MMP14: variants seen among roughly 807,000 people sequenced by gnomAD.
MMP14 encodes matrix metallopeptidase 14.
Under a neutral mutation model 64.8 loss-of-function variants are expected in MMP14, and 13 were observed. The ratio of observed to expected loss-of-function variants is 0.20; its 90% CI spans 0.13 to 0.32. MMP14 has a LOEUF of 0.32. MMP14 is among the 10% of genes least tolerant of loss of function. MMP14 has a pLI of 1.00. For missense variants in MMP14, 594 were observed against 783.8 expected, an observed-to-expected ratio of 0.76 and a Z score of 2.89; for synonymous variants, 322 against 315.9, an observed-to-expected ratio of 1.02 and a Z score of -0.20.
In MMP14 at chr14:22,843,468, C is replaced by G. The variant is rs375592743; in HGVS notation, c.850+50C>G. 1.7e-4 allele frequency: 267 copies of G among 1,583,316 alleles called. No individual in the cohort carries two copies. Among genetic ancestry groups the G allele is most frequent in the Non-Finnish European group, 2.2e-4 (260 of 1,162,248 alleles). ...CTCCCTCCTCTGCTGCTTGTTCCCT[C>G]CTGGTCTACGCATTTCCCCTCTTTT... On this transcript the variant is annotated intron_variant, in intron 5 of 9. Coordinates refer to ENST00000311852, the MANE Select transcript of MMP14 (RefSeq NM_004995.4). The surrounding 1 kb of genome is among the most constrained non-coding windows in gnomAD (Gnocchi z 4.8).
chr14:22,842,381 C>G lies in MMP14; in HGVS notation c.381-29C>G. On this transcript the variant is annotated intron_variant, in intron 3 of 9. Transcript: ENST00000311852. This position sits in a 1 kb window ranked among gnomAD's most constrained non-coding sequence, Gnocchi z 5.3. ...TGCCCCTCTTTATCCTAACACACCCCATCCTCTCCCCACGTGGCTGGACCT... is the reference window on the plus strand; with the variant it reads ...TGCCCCTCTTTATCCTAACACACCCGATCCTCTCCCCACGTGGCTGGACCT... 1 of 1,590,790 alleles carries G rather than the reference C, an allele frequency of 6.3e-7. No homozygotes were observed. Among genetic ancestry groups the G allele is most frequent in the Non-Finnish European group, 8.6e-7 (1 of 1,167,352 alleles).
intron 1 of MMP14, among the ~76,000 whole-genome samples, chr14:22,839,812 C>T (rs534922406): frequency 6.6e-6 from 1 of 152,206 alleles, no homozygotes; most frequent in African/African-American, 2.4e-5. Flanking sequence ...ATCTCCCCTC[C>T]AAGATCCCAT....
chr14:22,841,743 A>G, intron 2 of MMP14, 104 bp downstream of exon 2: 2 of 1,555,888 alleles, frequency 1.3e-6, no homozygotes, highest in Non-Finnish European at 1.8e-6. Context: ...CCACTCCCCC[A>G]TATCTCATCC....
intron 1 of MMP14, among the ~76,000 whole-genome samples, chr14:22,839,419 G>T (rs2039757374): frequency 6.6e-6 from 1 of 152,274 alleles, no homozygotes; most frequent in Non-Finnish European, 1.5e-5. Flanking sequence ...CCGGACTGGT[G>T]TGGACTGCTT....
In MMP14 at chr14:22,836,831, C is replaced by G. The variant is rs200576896; in HGVS notation, c.14C>G (p.Pro5Arg). Residue 5 changes from proline (P) to arginine (R), a missense_variant, in exon 1 of 10, where the codon CCA becomes CGA. By Grantham distance (103) the Pro-to-Arg change is moderately radical (BLOSUM62 -2). Transcript: ENST00000311852. MSPA[P>R]RPPRCLLLPL... The stretch of plus-strand genomic sequence containing the variant: ...TGGTCTCGGACCATGTCTCCCGCCC[C>G]AAGACCCCCCCGTTGTCTCCTGCTC... 1 of 1,610,880 alleles carries G rather than the reference C, an allele frequency of 6.2e-7. No homozygotes were observed. Among genetic ancestry groups the G allele is most frequent in the Non-Finnish European group, 8.5e-7 (1 of 1,178,204 alleles).
chr14:22,842,270 C>A lies in MMP14; in HGVS notation c.381-140C>A. The A allele has an allele frequency of 9.3e-7, 1 of 1,075,164 alleles. No individual in the cohort carries two copies. Among genetic ancestry groups the A allele is most frequent in the Non-Finnish European group, 1.3e-6 (1 of 747,456 alleles). The allele number at this position is 1,075,164 out of a possible 1,614,324, so 66.6% of individuals were successfully genotyped here. ...CCTTGTTCTTGAGACAGAGGCGTTGCGCATGAGGTAGCAGGAAGAGCTGGG... is the reference window on the plus strand; with the variant it reads ...CCTTGTTCTTGAGACAGAGGCGTTGAGCATGAGGTAGCAGGAAGAGCTGGG... On this transcript the variant is annotated intron_variant, in intron 3 of 9. Transcript: ENST00000311852. The surrounding 1 kb of genome is among the most constrained non-coding windows in gnomAD (Gnocchi z 5.3).
At chr14:22,845,172 TG>T in intron 8 of MMP14, 78 bp from the exon 9 acceptor site, 1 of 1,006,736 alleles carries the variant, frequency 9.9e-7, no homozygotes, top group Non-Finnish European at 1.5e-6. Flanking sequence ...CTTTGCCCAC[TG>T]GTGGATTCGG....
Position 22,842,703 on chromosome 14 carries a change from A to G in MMP14, c.674A>G (p.Asn225Ser). 6.2e-7 allele frequency: 1 copy of G among 1,602,994 alleles called. No individual in the cohort carries two copies. Among genetic ancestry groups the G allele is most frequent in the Admixed American group, 1.7e-5 (1 of 59,354 alleles). ...FDSAEPWTVR[N>S]EDLNGNDIFL... is the part of the protein sequence containing the mutation. Reference sequence around the variant, plus strand: ...TCTGCCGAGCCTTGGACTGTCAGGAATGAGGATCTGAATGGTGAGCCAAGT... The same window carrying G: ...TCTGCCGAGCCTTGGACTGTCAGGAGTGAGGATCTGAATGGTGAGCCAAGT... The change falls in exon 4 of 10, where the codon AAT becomes AGT. Residue 225 changes from asparagine (N) to serine (S), a missense_variant. Physicochemically the swap from Asn to Ser is conservative, Grantham distance 46 (BLOSUM62 1). This residue lies in a region of MMP14 where 179 missense variants were observed against 283.4 expected (regional missense o/e 0.63). Coordinates refer to ENST00000311852, the MANE Select transcript of MMP14 (RefSeq NM_004995.4). The surrounding 1 kb of genome is among the most constrained non-coding windows in gnomAD (Gnocchi z 5.3).
chr14:22,846,056 G>C lies in MMP14; in HGVS notation c.*17G>C. 1 of 1,457,648 alleles carries C rather than the reference G, an allele frequency of 6.9e-7. No homozygotes were observed. Among genetic ancestry groups the C allele is most frequent in the Non-Finnish European group, 9.1e-7 (1 of 1,104,196 alleles). The allele number at this position is 1,457,648 out of a possible 1,614,324, so 90.3% of individuals were successfully genotyped here. ...AAGGTCTGACGCCCACCGCCGGCCC[G>C]CCCACTCCTACCACAAGGACTTTGC... is the stretch of plus-strand genomic sequence containing the variant. On this transcript the variant is annotated 3_prime_UTR_variant, in exon 10 of 10. Transcript: ENST00000311852.
chr14:22,837,701 G>C (rs1295185495), intron 1 of MMP14, among the ~76,000 whole-genome samples: 1 of 152,242 alleles, frequency 6.6e-6, no homozygotes, highest in African/African-American at 2.4e-5. Flanking sequence ...GAGCCTGGGG[G>C]CGTCGCTTGG....
Position 22,843,366 on chromosome 14 carries a change from G to A in MMP14, c.798G>A (p.Thr266=), listed in dbSNP as rs375991979. ...IMAPFYQWMD[T]ENFVLPDDDR... ...CACCCTTTTACCAGTGGATGGACAC[G>A]GAGAATTTTGTGCTGCCCGATGATG... is the stretch of plus-strand genomic sequence containing the variant. Residue 266 remains threonine (T), a synonymous_variant, in exon 5 of 10, where the codon ACG becomes ACA. Coordinates refer to ENST00000311852, the MANE Select transcript of MMP14 (RefSeq NM_004995.4). The surrounding 1 kb of genome is among the most constrained non-coding windows in gnomAD (Gnocchi z 4.8). 68 of 1,613,958 alleles carry A rather than the reference G, an allele frequency of 4.2e-5. No homozygotes were observed. The highest frequency in any genetic ancestry group is 4.9e-5 in the Non-Finnish European group (58 of 1,180,034).
At chr14:22,837,313 T>C (rs755083865) in intron 1 of MMP14, 6 of 467,706 alleles carry the variant, frequency 1.3e-5, no homozygotes, top group Middle Eastern at 3.2e-4. Context: ...CTCCTCGTCA[T>C]GCGCGAGAGT....
Position 22,842,175 on chromosome 14 carries a change from C to T in MMP14, c.380+140C>T. ...TCCGTGGGAGTGGGGAGGAAAATGG[C>T]TCTCATCCTTGAGAGAGGTGTAGCC... On this transcript the variant is annotated intron_variant, in intron 3 of 9. Coordinates refer to ENST00000311852, the MANE Select transcript of MMP14 (RefSeq NM_004995.4). The surrounding 1 kb of genome is among the most constrained non-coding windows in gnomAD (Gnocchi z 5.3). 1 of 1,251,274 alleles carries T rather than the reference C, an allele frequency of 8.0e-7. No homozygotes were observed. Among genetic ancestry groups the T allele is most frequent in the Non-Finnish European group, 1.1e-6 (1 of 891,504 alleles). The allele number at this position is 1,251,274 out of a possible 1,614,324, so 77.5% of individuals were successfully genotyped here.
At chr14:22,841,838 C>G in intron 2 of MMP14, 75 bp from the exon 3 acceptor site, 1 of 1,602,530 alleles carries the variant, frequency 6.2e-7, no homozygotes, top group Non-Finnish European at 8.5e-7. Flanking sequence ...CAAGTCTTAC[C>G]CAACACTGAT....
chr14:22,837,168 T>C (rs757892230), intron 1 of MMP14: 5 of 670,590 alleles, frequency 7.5e-6, no homozygotes, highest in Non-Finnish European at 1.4e-5. Context: ...TCCCATTCCT[T>C]CTTTTTTCCC....
chr14:22,842,195 G>A lies in MMP14; in HGVS notation c.380+160G>A, dbSNP rs2039777532. 8 of 1,119,578 alleles carry A rather than the reference G, an allele frequency of 7.1e-6. No individual in the cohort carries two copies. Among genetic ancestry groups the A allele is most frequent in the African/African-American group, 1.6e-5 (1 of 64,184 alleles). 69.4% of individuals were successfully genotyped at this position (1,119,578 alleles called of 1,614,324 possible). A position where few individuals can be genotyped will look rare whatever the true frequency, so the allele number is the denominator to read the frequency against. ...AATGGCTCTCATCCTTGAGAGAGGTGTAGCCATCAAGGGTGCACCCCAGTG... is the reference window on the plus strand; with the variant it reads ...AATGGCTCTCATCCTTGAGAGAGGTATAGCCATCAAGGGTGCACCCCAGTG... On this transcript the variant is annotated intron_variant, in intron 3 of 9. Coordinates refer to ENST00000311852, the MANE Select transcript of MMP14 (RefSeq NM_004995.4). This position sits in a 1 kb window ranked among gnomAD's most constrained non-coding sequence, Gnocchi z 5.3.
At position 22,842,437 on chromosome 14, in the gene MMP14, C is replaced by A; in HGVS notation, c.408C>A (p.Gly136=). 1 of 1,613,334 alleles carries A rather than the reference C, an allele frequency of 6.2e-7. No homozygotes were observed. The highest frequency in any genetic ancestry group is 8.5e-7 in the Non-Finnish European group (1 of 1,179,560). ...TCCAGAATTACACCCCCAAGGTGGGCGAGTATGCCACATACGAGGCCATTC... is the reference window on the plus strand; with the variant it reads ...TCCAGAATTACACCCCCAAGGTGGGAGAGTATGCCACATACGAGGCCATTC... ...FCIQNYTPKV[G]EYATYEAIRK... Residue 136 remains glycine, a synonymous_variant, in exon 4 of 10, where the codon GGC becomes GGA. Transcript: ENST00000311852. This position sits in a 1 kb window ranked among gnomAD's most constrained non-coding sequence, Gnocchi z 5.3.
At chr14:22,837,598 G>C (rs1218505197) in intron 1 of MMP14, among the ~76,000 whole-genome samples, 1 of 152,276 alleles carries the variant, frequency 6.6e-6, no homozygotes, top group Non-Finnish European at 1.5e-5. Flanking sequence ...TGAGCCGGGC[G>C]ATCGGCCGGG....
intron 1 of MMP14, among the ~76,000 whole-genome samples, chr14:22,839,131 A>G (rs933630057): frequency 6.6e-6 from 1 of 152,018 alleles, no homozygotes; most frequent in Non-Finnish European, 1.5e-5. Context: ...GCTCTAGGCA[A>G]ATTCTCTCAG....
Sources: allele counts gnomAD v4.1 joint callset (sites outside exome capture counted in the v4.1 genomes callset), GRCh38; gene constraint gnomAD v4.1.1; regional missense constraint gnomAD v4.1.1; non-coding constraint Gnocchi (gnomAD v3.1); transcripts MANE v1.5; gene names NCBI Gene and HGNC (gene_info 2026-07-23, HGNC 2026-07-21).